The following AP3S2 variants were observed in gnomAD, a reference collection of about 807,000 sequenced individuals.
The protein encoded by AP3S2 is adaptor related protein complex 3 subunit sigma 2.
AP3S2 carries 22 observed loss-of-function variants against 23.4 expected under a neutral mutation model. The ratio of observed to expected loss-of-function variants is 0.94; its 90% confidence interval spans 0.67 to 1.34. The LOEUF (loss-of-function observed/expected upper bound fraction) is 1.34, where lower values mean the gene tolerates loss of function less well. AP3S2 is among the 40% of genes most tolerant of loss of function. The pLI, the probability that AP3S2 is intolerant of heterozygous loss-of-function variation, is 0.00. For missense variants in AP3S2, 241 were observed against 236.9 expected (o/e 1.02, Z -0.11); for synonymous variants, 86 against 87.1 (o/e 0.99, Z 0.07).
In AP3S2 at chr15:89,888,557, G is replaced by C. The variant is rs759706901; in HGVS notation, c.237C>G (p.Ser79=). ...ATLYFVFCVD[S]SESELGILDL... is the part of the protein sequence containing the mutation. ...CCAAGATTCCAAGTTCACTCTCTGA[G>C]GAATCCACACAAAATACAAAGTAGA... The change falls in exon 3 of 6, where the codon TCC becomes TCG. Residue 79 remains serine (S), a synonymous_variant. Transcript: ENST00000336418. The C allele has an allele frequency of 3.7e-5, 59 of 1,614,066 alleles. No homozygotes were observed. Among genetic ancestry groups the C allele is most frequent in the Non-Finnish European group, 4.7e-5 (55 of 1,180,042 alleles).
intron 4 of AP3S2, among the ~76,000 whole-genome samples, chr15:89,846,051 TC>T (rs1031273545): frequency 6.6e-6 from 1 of 152,208 alleles, no homozygotes; most frequent in African/African-American, 2.4e-5. Context: ...CAACAGGATA[TC>T]TTGATATAAG....
intron 3 of AP3S2, among the ~76,000 whole-genome samples, chr15:89,882,314 C>A (rs1320223134): frequency 6.6e-6 from 1 of 151,604 alleles, no homozygotes; most frequent in African/African-American, 2.4e-5. Flanking sequence ...GCTCTGCTAC[C>A]TGAATCAGCT....
At chr15:89,883,449 G>A (rs1896619860) in intron 3 of AP3S2, among the ~76,000 whole-genome samples, 1 of 151,552 alleles carries the variant, frequency 6.6e-6, no homozygotes, top group East Asian at 1.9e-4. Flanking sequence ...AAGCTGGAGT[G>A]TAGTGGCATG....
chr15:89,855,945 T>TAAAAAAA (rs34784306), intron 4 of AP3S2, among the ~76,000 whole-genome samples: 40 of 111,964 alleles, frequency 3.6e-4, no homozygotes, highest in Non-Finnish European at 5.5e-4. Context: ...ATATGTCCTT[T>TAAAAAAA]AAAAAAAAAA....
At position 89,844,509 on chromosome 15, in the gene AP3S2, C is replaced by CT. The variant is rs1254718547; in HGVS notation, c.346-6788dup. On this transcript the variant is annotated intron_variant, in intron 4 of 5. Transcript: ENST00000336418. ...TGTGCCACCATGCCCAGCTTTTTTT[C>CT]TTTTTTTTTTTAATTTCTAAGTAGA... Among the ~76,000 whole-genome samples the CT allele has an allele frequency of 1.6e-3, 228 of 145,650 alleles. 1 individual carries two copies. Among genetic ancestry groups the CT allele is most frequent in the African/African-American group, 4.7e-3 (186 of 39,546 alleles).
intron 4 of AP3S2, among the ~76,000 whole-genome samples, chr15:89,858,008 C>T (rs115539043): frequency 1.5e-4 from 23 of 152,282 alleles, no homozygotes; most frequent in African/African-American, 5.3e-4. Flanking sequence ...AGACACACCA[C>T]AATGGCCACA....
At chr15:89,851,357 GAGAC>G (rs1895648353) in intron 4 of AP3S2, among the ~76,000 whole-genome samples, 1 of 132,360 alleles carries the variant, frequency 7.6e-6, no homozygotes, top group Admixed American at 7.6e-5. Flanking sequence ...TTTTTTTTTT[GAGAC>G]AGAGTCTTGC....
intron 3 of AP3S2, chr15:89,883,825 A>G (rs1185027835): frequency 6.6e-6 from 1 of 152,244 alleles, no homozygotes; most frequent in Non-Finnish European, 1.5e-5. Flanking sequence ...GGGAAGAAGG[A>G]TATTTTTCAC....
chr15:89,843,625 ACT>A (rs1895388625), intron 4 of AP3S2, among the ~76,000 whole-genome samples: 2 of 151,798 alleles, frequency 1.3e-5, no homozygotes, highest in Non-Finnish European at 2.9e-5. Context: ...ATGGAGCGAG[ACT>A]CTATCTCAGA....
chr15:89,878,248 G>C, intron 3 of AP3S2: 1 of 645,838 alleles, frequency 1.5e-6, no homozygotes, highest in Non-Finnish European at 2.7e-6. Context: ...CAAAACTGTA[G>C]GAGAATATTT....
chr15:89,882,342 C>G (rs1156663591), intron 3 of AP3S2, among the ~76,000 whole-genome samples: 1 of 151,600 alleles, frequency 6.6e-6, no homozygotes, highest in African/African-American at 2.4e-5. Context: ...CTCATTTTAC[C>G]CCCCTGTTCT....
intron 1 of AP3S2, among the ~76,000 whole-genome samples, chr15:89,891,666 A>G (rs1896824748): frequency 6.6e-6 from 1 of 152,106 alleles, no homozygotes; most frequent in Non-Finnish European, 1.5e-5. Context: ...AGGGAAAAAA[A>G]AAAGCCACAG....
In AP3S2 at chr15:89,835,397, T is replaced by C; in HGVS notation, c.*118A>G. ...CAAACAGTCTTCCCCAGACACAAAG[T>C]TTCCAGGTCCTGAGGCTTGACTCTT... On this transcript the variant is annotated 3_prime_UTR_variant, in exon 6 of 6. Coordinates refer to ENST00000336418, the MANE Select transcript of AP3S2 (RefSeq NM_005829.5). 1 of 1,513,054 alleles carries C rather than the reference T, an allele frequency of 6.6e-7. No individual in the cohort carries two copies. The highest frequency in any genetic ancestry group is 8.9e-7 in the Non-Finnish European group (1 of 1,126,982). The allele number at this position is 1,513,054 out of a possible 1,614,324, so 93.7% of individuals were successfully genotyped here.
intron 4 of AP3S2, among the ~76,000 whole-genome samples, chr15:89,858,241 C>T (rs1436392707): frequency 6.6e-6 from 1 of 151,702 alleles, no homozygotes; most frequent in African/African-American, 2.4e-5. Context: ...AGTTTGAGAC[C>T]AGCCTGATCA....
intron 3 of AP3S2, among the ~76,000 whole-genome samples, chr15:89,876,262 T>C (rs1274931803): frequency 6.6e-6 from 1 of 150,832 alleles, no homozygotes; most frequent in African/African-American, 2.4e-5. Flanking sequence ...CTACTAAAAA[T>C]GCAAAAATTA....
chr15:89,872,343 A>G (rs754178894), intron 3 of AP3S2, among the ~76,000 whole-genome samples: 3 of 152,156 alleles, frequency 2.0e-5, no homozygotes, highest in Non-Finnish European at 4.4e-5. Context: ...CTTCCTATGA[A>G]TAAATTTAAT....
intron 4 of AP3S2, among the ~76,000 whole-genome samples, chr15:89,855,502 G>C (rs1446100546): frequency 8.1e-6 from 1 of 123,004 alleles, no homozygotes; most frequent in Non-Finnish European, 1.7e-5. Context: ...CCCTCTGTGA[G>C]AAACACCCAA....
chr15:89,866,519 C>A (rs1394947493), intron 4 of AP3S2, among the ~76,000 whole-genome samples: 1 of 146,866 alleles, frequency 6.8e-6, no homozygotes, highest in Non-Finnish European at 1.5e-5. Flanking sequence ...GAGTTTTGCT[C>A]TTGTTGCCCA....
intron 4 of AP3S2, 23 bp from the exon 5 acceptor site, chr15:89,837,745 G>A (rs1242992598): frequency 3.5e-5 from 57 of 1,613,628 alleles, no homozygotes; most frequent in East Asian, 6.7e-5. Flanking sequence ...CAAAAATCAG[G>A]AGTCAGAATA....
Sources: gnomAD v4.1 joint callset for allele counts (sites outside exome capture counted in the v4.1 genomes callset) on GRCh38, gnomAD v4.1.1 for gene constraint, MANE v1.5 for transcripts, NCBI Gene and HGNC (gene_info 2026-07-23, HGNC 2026-07-21) for gene names.